Variants in TMPRSS11F observed in about 807,000 individuals in gnomAD.
TMPRSS11F encodes the protein transmembrane protease serine 11F.
A neutral mutation model predicts 60.2 loss-of-function variants in TMPRSS11F; 47 were observed. That is an observed-to-expected ratio of 0.78 (90% CI 0.62 to 1.00). TMPRSS11F has a LOEUF of 1.00. Among genes scored for constraint, TMPRSS11F ranks in the 50% least tolerant of loss-of-function variants. The pLI is 0.00. For missense variants in TMPRSS11F, 519 were observed against 522.9 expected (o/e 0.99, Z 0.07); for synonymous variants, 166 against 167.3 (o/e 0.99, Z 0.06).
In TMPRSS11F at chr4:68,064,792, A is replaced by G. The variant is rs201780554; in HGVS notation, c.908T>C (p.Val303Ala). The G allele has an allele frequency of 1.1e-3, 1,706 of 1,614,048 alleles. 5 individuals are homozygous for G. Among genetic ancestry groups the G allele is most frequent in the Non-Finnish European group, 1.1e-3 (1,245 of 1,179,984 alleles). ...DIALVQLSTGVEFSNIVQRVC... is the reference protein window; with the variant it reads ...DIALVQLSTGAEFSNIVQRVC... ...TCTCTGGACTATATTTGAAAACTCAACTCCAGTAGAGAGCTGAACCAAAGC... is the reference window on the plus strand; with the variant it reads ...TCTCTGGACTATATTTGAAAACTCAGCTCCAGTAGAGAGCTGAACCAAAGC... Residue 303 changes from valine (V) to alanine (A), a missense_variant, in exon 8 of 10, where the codon GTT becomes GCT. Transcript: ENST00000356291.
intron 3 of TMPRSS11F, 136 bp downstream of exon 3, chr4:68,090,387 C>A (rs1435830552): frequency 7.6e-7 from 1 of 1,317,608 alleles, no homozygotes; most frequent in Non-Finnish European, 9.9e-7. Flanking sequence ...TTAATCCTCA[C>A]AACTGTATGA....
At position 68,129,791 on chromosome 4, in the gene TMPRSS11F, A is replaced by G. The variant is rs1186797602; in HGVS notation, c.11+19T>C. On this transcript the variant is annotated intron_variant, in intron 1 of 9. Transcript: ENST00000356291. ...CTGTCCCCACTGATAACCTTTACTG[A>G]GAAAAGCTGAATACTTACGCGTACA... 1 of 1,612,250 alleles carries G rather than the reference A, an allele frequency of 6.2e-7. No individual in the cohort carries two copies. Among genetic ancestry groups the G allele is most frequent in the Non-Finnish European group, 8.5e-7 (1 of 1,178,726 alleles).
intron 1 of TMPRSS11F, among the ~76,000 whole-genome samples, chr4:68,113,335 T>C (rs568339078): frequency 6.6e-6 from 1 of 152,202 alleles, no homozygotes; most frequent in South Asian, 2.1e-4. Context: ...AAATTGGATA[T>C]TGGCCAGGGA....
intron 3 of TMPRSS11F, among the ~76,000 whole-genome samples, chr4:68,084,837 A>G (rs1257733008): frequency 7.2e-6 from 1 of 138,306 alleles, no homozygotes; most frequent in Non-Finnish European, 1.6e-5. Context: ...GCACCCACTA[A>G]CTCGTCATCT....
At chr4:68,083,668 A>G (rs1047289003) in intron 3 of TMPRSS11F, among the ~76,000 whole-genome samples, 1 of 141,012 alleles carries the variant, frequency 7.1e-6, no homozygotes, top group East Asian at 1.9e-4. Flanking sequence ...TAATAATAAT[A>G]AAAAAAGCCC....
chr4:68,129,300 G>A (rs1310246099), intron 1 of TMPRSS11F, among the ~76,000 whole-genome samples: 1 of 152,026 alleles, frequency 6.6e-6, no homozygotes, highest in Non-Finnish European at 1.5e-5. Context: ...TTTTACATAT[G>A]AGTATTTTAA....
intron 4 of TMPRSS11F, among the ~76,000 whole-genome samples, chr4:68,073,664 T>C (rs1030872525): frequency 4.6e-5 from 6 of 130,822 alleles, no homozygotes; most frequent in Non-Finnish European, 1.1e-4. Flanking sequence ...AGCCCCTAGC[T>C]TAAGAGACGG....
intron 3 of TMPRSS11F, among the ~76,000 whole-genome samples, chr4:68,083,065 C>T (rs530124369): frequency 3.9e-5 from 6 of 152,216 alleles, no homozygotes; most frequent in African/African-American, 7.2e-5. Context: ...CTGTGAGCCA[C>T]GAGCACCACA....
intron 8 of TMPRSS11F, among the ~76,000 whole-genome samples, chr4:68,061,338 T>A (rs1316875565): frequency 3.3e-5 from 5 of 152,210 alleles, no homozygotes; most frequent in African/African-American, 9.6e-5. Flanking sequence ...AAATTCAACT[T>A]ACATGAAAGG....
chr4:68,063,625 C>T (rs527702393), intron 8 of TMPRSS11F, among the ~76,000 whole-genome samples: 2 of 152,190 alleles, frequency 1.3e-5, no homozygotes, highest in East Asian at 1.9e-4. Context: ...ATGATCCGCC[C>T]GACTCGGCCT....
intron 3 of TMPRSS11F, among the ~76,000 whole-genome samples, chr4:68,087,102 A>G (rs912155678): frequency 6.6e-6 from 1 of 152,222 alleles, no homozygotes; most frequent in East Asian, 1.9e-4. Context: ...CTCCTTATAA[A>G]CATAGATGCA....
intron 3 of TMPRSS11F, chr4:68,077,426 G>A (rs1183906518): frequency 1.3e-5 from 2 of 152,224 alleles, no homozygotes; most frequent in Non-Finnish European, 2.9e-5. Flanking sequence ...CTTAAGGCAA[G>A]TTGATGCCCT....
intron 1 of TMPRSS11F, among the ~76,000 whole-genome samples, chr4:68,114,990 TAA>T (rs56946635): frequency 0.22 from 25,594 of 114,160 alleles, 2,975 homozygotes; most frequent in Admixed American, 0.37. Flanking sequence ...ATTCATTATT[TAA>T]AAAAAAAAAA....
chr4:68,089,456 T>C (rs1264870648), intron 3 of TMPRSS11F, among the ~76,000 whole-genome samples: 2 of 152,038 alleles, frequency 1.3e-5, no homozygotes, highest in Non-Finnish European at 2.9e-5. Flanking sequence ...TTTAAAGAAA[T>C]ATCAAGACCT....
At chr4:68,094,523 C>A (rs1040807301) in intron 2 of TMPRSS11F, among the ~76,000 whole-genome samples, 2 of 148,402 alleles carry the variant, frequency 1.3e-5, no homozygotes, top group Non-Finnish European at 3.0e-5. Context: ...ACATTGTGAA[C>A]ATGTACCCTA....
chr4:68,069,556 T>C lies in TMPRSS11F; in HGVS notation c.553+413A>G, dbSNP rs538764289. Among the ~76,000 whole-genome samples, 76 of 152,148 alleles carry C rather than the reference T, an allele frequency of 5.0e-4. 1 individual carries two copies. The highest frequency in any genetic ancestry group is 1.8e-3 in the African/African-American group (75 of 41,528). On this transcript the variant is annotated intron_variant, in intron 6 of 9. Coordinates refer to ENST00000356291, the MANE Select transcript of TMPRSS11F (RefSeq NM_207407.2). The stretch of plus-strand genomic sequence containing the variant: ...TTAACTATGTACCAATGCTGGAATG[T>C]GGGGTGCAGGGCAGGAAGAGCAAGA...
chr4:68,098,611 T>C (rs1724126470), intron 2 of TMPRSS11F, among the ~76,000 whole-genome samples: 1 of 152,184 alleles, frequency 6.6e-6, no homozygotes, highest in African/African-American at 2.4e-5. Flanking sequence ...ATTATGTAAT[T>C]TGTCTTTATG....
At chr4:68,121,296 C>G (rs1241738150) in intron 1 of TMPRSS11F, among the ~76,000 whole-genome samples, 1 of 152,096 alleles carries the variant, frequency 6.6e-6, no homozygotes, top group Non-Finnish European at 1.5e-5. Context: ...TTACTTGTGA[C>G]TGAGTATGCG....
At chr4:68,124,193 C>A (rs1724672896) in intron 1 of TMPRSS11F, among the ~76,000 whole-genome samples, 1 of 150,220 alleles carries the variant, frequency 6.7e-6, no homozygotes, top group South Asian at 2.1e-4. Context: ...TGCACTCCAG[C>A]CTGGGCGACA....
Sources: gnomAD v4.1 joint callset for allele counts (sites outside exome capture counted in the v4.1 genomes callset) on GRCh38, gnomAD v4.1.1 for gene constraint, MANE v1.5 for transcripts, NCBI Gene and HGNC (gene_info 2026-07-23, HGNC 2026-07-21) for gene names.